Variants in FOLH1 observed in about 807,000 individuals in gnomAD.
FOLH1 encodes folate hydrolase 1, also known as glutamate carboxypeptidase 2.
In FOLH1, 54 loss-of-function variants were observed where a neutral mutation model predicts 93.9. The observed-to-expected ratio is 0.57, with a 90% CI of 0.46 to 0.72. The LOEUF (loss-of-function observed/expected upper bound fraction) is 0.72. Ranked by LOEUF, FOLH1 falls within the 30% of genes least tolerant of loss-of-function variation. FOLH1 has a pLI of 0.00. For missense variants in FOLH1, 571 were observed against 892.5 expected, an observed-to-expected ratio of 0.64 and a Z score of 4.59; for synonymous variants, 249 against 303.6, an observed-to-expected ratio of 0.82 and a Z score of 1.87.
In FOLH1 at chr11:49,208,342, G is replaced by C; in HGVS notation, c.68C>G (p.Ala23Gly). ...ATARRPRWLC[A>G]GALVLAGGFF... is the part of the protein sequence containing the mutation. ...GCCACCCGCCAGCACCAGCGCCCCA[G>C]CGCACAGCCAGCGCGGGCGGCGCGC... Residue 23 changes from alanine to glycine, a missense_variant, in exon 1 of 19, where the codon GCT becomes GGT. Coordinates refer to ENST00000256999, the MANE Select transcript of FOLH1 (RefSeq NM_004476.3). 1 of 1,600,126 alleles carries C rather than the reference G, an allele frequency of 6.2e-7. No individual in the cohort carries two copies. Among genetic ancestry groups the C allele is most frequent in the Non-Finnish European group, 8.5e-7 (1 of 1,172,216 alleles).
chr11:49,203,987 T>C (rs1212270979), intron 2 of FOLH1, among the ~76,000 whole-genome samples: 2 of 152,198 alleles, frequency 1.3e-5, no homozygotes, highest in Non-Finnish European at 2.9e-5. Context: ...GAGAAGCAAC[T>C]TCCTGGGCAT....
chr11:49,149,052 ATTGAACAATGAGAACAC>A (rs953560030), intron 17 of FOLH1, among the ~76,000 whole-genome samples: 3 of 151,936 alleles, frequency 2.0e-5, no homozygotes, highest in African/African-American at 7.2e-5. Context: ...ATAGGTGGGA[ATTGAACAATGAGAACAC>A]TTGGACACAG....
Position 49,146,672 on chromosome 11 carries a change from T to G in FOLH1, c.*84A>C. The G allele has an allele frequency of 7.6e-7, 1 of 1,307,736 alleles. No homozygotes were observed. Among genetic ancestry groups the G allele is most frequent in the Non-Finnish European group, 1.0e-6 (1 of 973,424 alleles). The allele number at this position is 1,307,736 out of a possible 1,614,324, so 81.0% of individuals were successfully genotyped here. On this transcript the variant is annotated 3_prime_UTR_variant, in exon 19 of 19. Transcript: ENST00000256999. ...TCAACTTTATTTCAAATATACCAAT[T>G]TTAAAATTTATCAATATACCCATTA...
chr11:49,189,377 A>C (rs780053630), intron 4 of FOLH1, among the ~76,000 whole-genome samples: 4 of 152,202 alleles, frequency 2.6e-5, no homozygotes, highest in African/African-American at 4.8e-5. Context: ...AATATACATA[A>C]GATATTAAAA....
At chr11:49,157,066 A>G (rs1857114544) in intron 14 of FOLH1, among the ~76,000 whole-genome samples, 1 of 152,120 alleles carries the variant, frequency 6.6e-6, no homozygotes, top group Non-Finnish European at 1.5e-5. Context: ...CATTTTCCTT[A>G]AGATTATTTC....
chr11:49,185,974 T>G, intron 5 of FOLH1, 119 bp from the exon 6 acceptor site: 1 of 1,275,040 alleles, frequency 7.8e-7, no homozygotes, highest in Non-Finnish European at 1.0e-6. Context: ...CCTTTTCTCA[T>G]TAGGCCTACA....
intron 11 of FOLH1, among the ~76,000 whole-genome samples, chr11:49,169,931 A>G (rs530229377): frequency 1.4e-4 from 22 of 152,340 alleles, no homozygotes; most frequent in African/African-American, 4.6e-4. Flanking sequence ...AAGTGAAAAA[A>G]ATAATTTGAA....
chr11:49,188,411 G>T (rs1861652310), intron 4 of FOLH1, among the ~76,000 whole-genome samples: 2 of 151,578 alleles, frequency 1.3e-5, no homozygotes, highest in African/African-American at 4.9e-5. Context: ...CTACTCGGGG[G>T]CTGAGGTATG....
chr11:49,186,017 C>A, intron 5 of FOLH1, 162 bp from the exon 6 acceptor site: 3 of 1,014,390 alleles, frequency 3.0e-6, no homozygotes, highest in Non-Finnish European at 3.9e-6. Context: ...TTTCCCTTTT[C>A]TTTTTGCTAC....
intron 7 of FOLH1, 51 bp from the exon 8 acceptor site, chr11:49,176,008 G>A (rs2974888): frequency 1.8e-5 from 27 of 1,527,026 alleles, no homozygotes; most frequent in South Asian, 1.3e-4. Context: ...TTGAAGTAAC[G>A]CATTAAAATG....
rs1856785517 is a variant in FOLH1 at position 49,154,408 on chromosome 11, A to G, written c.1708T>C (p.Phe570Leu). The G allele has an allele frequency of 6.2e-7, 1 of 1,612,438 alleles. No individual in the cohort carries two copies. Among genetic ancestry groups the G allele is most frequent in the African/African-American group, 1.3e-5 (1 of 74,984 alleles). ...ELVEKFYDPM[F>L]KYHLTVAQVR... is the part of the protein sequence containing the mutation. Reference sequence around the variant, plus strand: ...TGGGCCACAGTGAGGTGATATTTAAACATTGGATCATAAAACTTTTCCACC... The same window carrying G: ...TGGGCCACAGTGAGGTGATATTTAAGCATTGGATCATAAAACTTTTCCACC... The change falls in exon 16 of 19, where the codon TTT becomes CTT. Residue 570 changes from phenylalanine (F) to leucine (L), a missense_variant. Phe to Leu is a conservative substitution (Grantham distance 22, BLOSUM62 0). Around this residue, in one of 2 missense-constraint regions of FOLH1, gnomAD observed 500 missense variants for 822.9 expected, o/e 0.61. Transcript: ENST00000256999.
At chr11:49,164,641 T>C in intron 13 of FOLH1, 64 bp downstream of exon 13, 1 of 1,169,010 alleles carries the variant, frequency 8.6e-7, no homozygotes, top group South Asian at 1.4e-5. Context: ...ATGTTTAACA[T>C]AATACCTCAA....
chr11:49,146,828 T>C lies in FOLH1; in HGVS notation c.2181A>G (p.Glu727=). Residue 727 remains glutamate, a synonymous_variant, in exon 19 of 19, where the codon GAA becomes GAG. Coordinates refer to ENST00000256999, the MANE Select transcript of FOLH1 (RefSeq NM_004476.3). ...SKVDPSKAWG[E]VKRQIYVAAF... ...CTGCAACATAAATCTGTCTCTTCAC[T>C]TCTCCCCAGGCCTTGGAAGGGTCCA... The C allele has an allele frequency of 6.2e-7, 1 of 1,613,602 alleles. No individual in the cohort carries two copies. Among genetic ancestry groups the C allele is most frequent in the Non-Finnish European group, 8.5e-7 (1 of 1,179,694 alleles).
chr11:49,159,835 A>G (rs534485857), intron 13 of FOLH1, among the ~76,000 whole-genome samples: 1 of 151,042 alleles, frequency 6.6e-6, no homozygotes, highest in Non-Finnish European at 1.5e-5. Context: ...CAGGGATTCA[A>G]TTTCTTTCTG....
In FOLH1 at chr11:49,146,127, G is replaced by C. The variant is rs896107068; in HGVS notation, c.*629C>G. Among the ~76,000 whole-genome samples the C allele has an allele frequency of 5.9e-5, 9 of 152,140 alleles. No individual in the cohort carries two copies. The highest frequency in any genetic ancestry group is 3.3e-4 in the Admixed American group (5 of 15,268). ...AAAAGCATAACTGTCATTAGTACAT[G>C]GGGCATCCAAAGATATTAGAAATGT... On this transcript the variant is annotated 3_prime_UTR_variant, in exon 19 of 19. Coordinates refer to ENST00000256999, the MANE Select transcript of FOLH1 (RefSeq NM_004476.3).
intron 3 of FOLH1, among the ~76,000 whole-genome samples, chr11:49,198,469 GAGACTCCGTCT>G (rs1862891695): frequency 6.9e-6 from 1 of 145,238 alleles, no homozygotes; most frequent in African/African-American, 2.7e-5. Context: ...GCGACAAAGC[GAGACTCCGTCT>G]CAAAAAAAAC....
At position 49,156,845 on chromosome 11, in the gene FOLH1, T is replaced by C. The variant is rs761970048; in HGVS notation, c.1533-38A>G. The C allele has an allele frequency of 1.2e-5, 20 of 1,607,926 alleles. No homozygotes were observed. The East Asian group carries it at 4.0e-4, about 32-fold the overall frequency. ...AAACAACAGAATTATTTCAAAGTAA[T>C]TTGTTCATTAAGCACAGATTACATG... On this transcript the variant is annotated intron_variant, in intron 14 of 18. Transcript: ENST00000256999.
chr11:49,198,719 G>A (rs560369159), intron 3 of FOLH1, among the ~76,000 whole-genome samples: 3 of 151,368 alleles, frequency 2.0e-5, no homozygotes, highest in South Asian at 2.1e-4. Context: ...ACTATATGAC[G>A]TGTAGTGGTA....
At chr11:49,172,241 A>T (rs531402555) in intron 10 of FOLH1, among the ~76,000 whole-genome samples, 13 of 152,300 alleles carry the variant, frequency 8.5e-5, no homozygotes, top group African/African-American at 3.1e-4. Context: ...AATTTCCTAG[A>T]AAAATCATGA....
Sources: allele counts gnomAD v4.1 joint callset (sites outside exome capture counted in the v4.1 genomes callset), GRCh38; gene constraint gnomAD v4.1.1; regional missense constraint gnomAD v4.1.1; transcripts MANE v1.5; gene names NCBI Gene and HGNC (gene_info 2026-07-23, HGNC 2026-07-21).